AMMECR1: variants seen among roughly 807,000 people sequenced by gnomAD.
AMMECR1 encodes nuclear protein AMMECR1.
AMMECR1 carries 3 observed loss-of-function variants against 22.5 expected under a neutral mutation model. The observed-to-expected ratio is 0.13, with a 90% CI of 0.06 to 0.35. AMMECR1 has a LOEUF of 0.35. AMMECR1 is among the 10% of genes least tolerant of loss of function. The pLI is 1.00. For synonymous variants in AMMECR1, 130 were observed against 116.7 expected, an observed-to-expected ratio of 1.11 and a Z score of -0.74; for missense variants, 235 against 278.7, an observed-to-expected ratio of 0.84 and a Z score of 1.12.
At chrX:110,419,298 G>A (rs1168082557) in intron 2 of AMMECR1, among the ~76,000 whole-genome samples, 4 of 112,063 alleles carry the variant, frequency 3.6e-5, no homozygotes, top group South Asian at 3.8e-4. Context: ...GCCTTTGTTC[G>A]TGCTCCTGCC....
chrX:110,376,039 A>G (rs1267597896), intron 2 of AMMECR1, among the ~76,000 whole-genome samples: 1 of 111,861 alleles, frequency 8.9e-6, no homozygotes, highest in East Asian at 2.8e-4. Context: ...AGTGATGTGG[A>G]AACTGAGATT....
At chrX:110,437,301 G>A (rs1461389012) in intron 1 of AMMECR1, among the ~76,000 whole-genome samples, 1 of 112,281 alleles carries the variant, frequency 8.9e-6, no homozygotes, top group Non-Finnish European at 1.9e-5. Context: ...CAGAGAGCCA[G>A]GAGTGTTAAT....
chrX:110,247,519 C>T (rs2067664467), intron 2 of AMMECR1, among the ~76,000 whole-genome samples: 1 of 111,447 alleles, frequency 9.0e-6, no homozygotes, highest in Admixed American at 9.4e-5. Flanking sequence ...GGTGAAACCC[C>T]GTCTCTACAA....
At chrX:110,332,401 T>C (rs1484571790) in intron 2 of AMMECR1, among the ~76,000 whole-genome samples, 1 of 111,638 alleles carries the variant, frequency 9.0e-6, no homozygotes, top group Non-Finnish European at 1.9e-5. Flanking sequence ...AGTACAGTAG[T>C]AGTAGCATTG....
intron 2 of AMMECR1, among the ~76,000 whole-genome samples, chrX:110,390,024 A>G (rs1329470153): frequency 9.0e-6 from 1 of 111,718 alleles, no homozygotes; most frequent in Non-Finnish European, 1.9e-5. Context: ...ATTAACCATT[A>G]GTTGTTTTTT....
At chrX:110,410,376 C>T (rs2068633991) in intron 2 of AMMECR1, among the ~76,000 whole-genome samples, 1 of 111,860 alleles carries the variant, frequency 8.9e-6, no homozygotes, top group Non-Finnish European at 1.9e-5. Flanking sequence ...GGAAGTGAAT[C>T]AACAAAATAC....
chrX:110,346,908 A>G (rs374124320), intron 2 of AMMECR1: 6 of 585,630 alleles, frequency 1.0e-5, no homozygotes, highest in South Asian at 9.3e-5. Flanking sequence ...GAAGCCAGAC[A>G]TGGTGAACGC....
intron 2 of AMMECR1, among the ~76,000 whole-genome samples, chrX:110,360,586 A>G (rs1302804712): frequency 9.0e-6 from 1 of 111,669 alleles, no homozygotes; most frequent in Non-Finnish European, 1.9e-5. Flanking sequence ...GAAGAAAGGG[A>G]GGTGACAAGG....
intron 2 of AMMECR1, among the ~76,000 whole-genome samples, chrX:110,424,675 C>T (rs2068741539): frequency 8.9e-6 from 1 of 111,836 alleles, no homozygotes; most frequent in Admixed American, 9.5e-5. Flanking sequence ...ATTAAATCTA[C>T]CTCAGGCAAA....
chrX:110,426,899 A>G (rs1464346935), intron 1 of AMMECR1: 1 of 112,347 alleles, frequency 8.9e-6, no homozygotes, highest in African/African-American at 3.2e-5. Context: ...CCCCTCTCCC[A>G]TGTCCTACCC....
chrX:110,226,760 A>C (rs759385201), intron 2 of AMMECR1, among the ~76,000 whole-genome samples: 7 of 112,235 alleles, frequency 6.2e-5, no homozygotes, highest in Non-Finnish European at 7.5e-5. Flanking sequence ...ATCAGTATTA[A>C]GGAATTTTTC....
intron 2 of AMMECR1, among the ~76,000 whole-genome samples, chrX:110,361,812 A>G (rs2068265344): frequency 8.9e-6 from 1 of 112,344 alleles, no homozygotes; most frequent in African/African-American, 3.2e-5. Flanking sequence ...CTTTTTCTGT[A>G]AAGGTCCAGA....
intron 2 of AMMECR1, among the ~76,000 whole-genome samples, chrX:110,257,461 C>T (rs764018286): frequency 8.9e-6 from 1 of 112,159 alleles, no homozygotes; most frequent in East Asian, 2.8e-4. Context: ...ATTTCAAAGG[C>T]TTTTTCTTCT....
intron 1 of AMMECR1, among the ~76,000 whole-genome samples, chrX:110,435,243 G>A (rs965871989): frequency 1.8e-5 from 2 of 111,433 alleles, no homozygotes; most frequent in Admixed American, 9.4e-5. Flanking sequence ...AGCAAGGACA[G>A]GACAGTCACT....
chrX:110,335,216 C>A (rs1224029549), intron 2 of AMMECR1, among the ~76,000 whole-genome samples: 3 of 111,194 alleles, frequency 2.7e-5, no homozygotes, highest in Non-Finnish European at 5.7e-5. Context: ...TGTGCATACC[C>A]AATCATGGTA....
At chrX:110,415,050 T>A (rs1168193246) in intron 2 of AMMECR1, among the ~76,000 whole-genome samples, 2 of 112,156 alleles carry the variant, frequency 1.8e-5, no homozygotes, top group Non-Finnish European at 3.8e-5. Context: ...ACAGCATTCA[T>A]GTTTATCCCA....
intron 1 of AMMECR1, among the ~76,000 whole-genome samples, chrX:110,310,761 A>G (rs2068020022): frequency 8.9e-6 from 1 of 111,920 alleles, no homozygotes; most frequent in Admixed American, 9.5e-5. Context: ...AACTTCTTCC[A>G]ATTCTCAATT....
chrX:110,235,858 A>G (rs1247583269), intron 2 of AMMECR1, among the ~76,000 whole-genome samples: 10 of 111,500 alleles, frequency 9.0e-5, no homozygotes, highest in African/African-American at 3.3e-4. Flanking sequence ...GAAATACCTA[A>G]TGCAAATGAT....
Position 110,315,889 on chromosome X carries a change from C to T in AMMECR1, c.473+1710G>A, listed in dbSNP as rs372974597. Among the ~76,000 whole-genome samples, 4 of 112,322 alleles carry T rather than the reference C, an allele frequency of 3.6e-5. No individual in the cohort carries two copies. In the East Asian group the frequency reaches 8.3e-4, roughly 23 times the overall value. ...AGGCATAAAAGTCACAAATAAGTGA[C>T]TCAAGCTAATAAATATTTCATAGAT... On this transcript the variant is annotated intron_variant, in intron 1 of 5. Coordinates refer to ENST00000262844, the MANE Select transcript of AMMECR1 (RefSeq NM_015365.3).
Sources: gnomAD v4.1 joint callset for allele counts (sites outside exome capture counted in the v4.1 genomes callset) on GRCh38, gnomAD v4.1.1 for gene constraint, MANE v1.5 for transcripts, NCBI Gene and HGNC (gene_info 2026-07-23, HGNC 2026-07-21) for gene names.